NBEAL1: variants seen among roughly 807,000 people sequenced by gnomAD.
NBEAL1 encodes the protein neurobeachin-like protein 1.
NBEAL1 carries 273 observed loss-of-function variants against 351.3 expected under a neutral mutation model. That is an observed-to-expected ratio of 0.78 (90% CI 0.70 to 0.86). The LOEUF (loss-of-function observed/expected upper bound fraction) is 0.86, where lower values mean the gene tolerates loss of function less well. NBEAL1 is among the 40% of genes least tolerant of loss of function. The pLI is 0.00. For missense variants in NBEAL1, 2,961 were observed against 3,201.3 expected (o/e 0.92, Z 1.81); for synonymous variants, 1,050 against 1,086.4 (o/e 0.97, Z 0.66).
chr2:203,033,289 C>T (rs1193308598), intron 2 of NBEAL1, among the ~76,000 whole-genome samples: 3 of 152,184 alleles, frequency 2.0e-5, no homozygotes, highest in Non-Finnish European at 4.4e-5. Flanking sequence ...CGTGAGCCAC[C>T]GCGCCCAGCC....
chr2:203,070,155 C>G (rs2061656994), intron 7 of NBEAL1, among the ~76,000 whole-genome samples: 1 of 150,962 alleles, frequency 6.6e-6, no homozygotes, highest in East Asian at 1.9e-4. Context: ...TTATTTTAAC[C>G]CTAGTTTGCT....
rs557506560 is a variant in NBEAL1 at position 203,039,514 on chromosome 2, A to G, written c.52-2251A>G. Among the ~76,000 whole-genome samples the G allele has an allele frequency of 6.0e-4, 86 of 143,790 alleles. 9 individuals are homozygous for G. Among genetic ancestry groups the G allele is most frequent in the Non-Finnish European group, 1.0e-3 (64 of 63,560 alleles). 94.3% of individuals were successfully genotyped at this position (143,790 alleles called of 152,430 possible). A position where few individuals can be genotyped will look rare whatever the true frequency, so the allele number is the denominator to read the frequency against. On this transcript the variant is annotated intron_variant, in intron 2 of 55. Transcript: ENST00000683969. ...CGCCTCCTGGGTTCAAGCAATTCTC[A>G]TGCCTCAGCCCCCCGACTACAGGCT... is the stretch of plus-strand genomic sequence containing the variant.
rs2065986101 is a variant in NBEAL1, at chr2:203,224,329, A to G, written c.*6975A>G. ...GGTTGGTTCCATTTAGAAACTCTTA[A>G]CAGGTATGGCTTTCATTCCTCCAGT... is the stretch of plus-strand genomic sequence containing the variant. On this transcript the variant is annotated 3_prime_UTR_variant, in exon 56 of 56. Transcript: ENST00000683969. 6.6e-6 allele frequency among the ~76,000 whole-genome samples: 1 copy of G among 152,078 alleles called. No homozygotes were observed. Among genetic ancestry groups the G allele is most frequent in the African/African-American group, 2.4e-5 (1 of 41,444 alleles).
intron 44 of NBEAL1, among the ~76,000 whole-genome samples, chr2:203,186,776 T>A (rs2064908610): frequency 6.6e-6 from 1 of 152,194 alleles, no homozygotes; most frequent in Non-Finnish European, 1.5e-5. Flanking sequence ...ATTTAAAACT[T>A]TATAGGTTTC....
At chr2:203,183,143 G>A (rs2064781600) in intron 43 of NBEAL1, 136 bp from the exon 44 acceptor site, 1 of 471,188 alleles carries the variant, frequency 2.1e-6, no homozygotes, top group East Asian at 3.3e-5. Context: ...TAAATTAACT[G>A]GTATGTACTC....
At chr2:203,076,355 T>C (rs895658534) in intron 7 of NBEAL1, among the ~76,000 whole-genome samples, 1 of 151,604 alleles carries the variant, frequency 6.6e-6, no homozygotes, top group African/African-American at 2.4e-5. Context: ...CATGGTAGCG[T>C]GTGCCTGTAG....
In NBEAL1 at chr2:203,108,037, A is replaced by C; in HGVS notation, c.1798A>C (p.Asn600His). 6.4e-7 allele frequency: 1 copy of C among 1,553,636 alleles called. No homozygotes were observed. Among genetic ancestry groups the C allele is most frequent in the Non-Finnish European group, 8.7e-7 (1 of 1,147,612 alleles). ...TCTAGAGAGTGCCCTCCAGTATTTCAATTTGTCACATAGTATGGCAGGAAT... is the reference window on the plus strand; with the variant it reads ...TCTAGAGAGTGCCCTCCAGTATTTCCATTTGTCACATAGTATGGCAGGAAT... ...LSLESALQYF[N>H]LSHSMAGISV... The change falls in exon 14 of 56, where the codon AAT becomes CAT. Residue 600 changes from asparagine (N) to histidine (H), a missense_variant. Physicochemically the swap from Asn to His is moderately conservative, Grantham distance 68 (BLOSUM62 1). Coordinates refer to ENST00000683969, the MANE Select transcript of NBEAL1 (RefSeq NM_001378026.1).
At chr2:203,053,577 C>T (rs544368347) in intron 4 of NBEAL1, among the ~76,000 whole-genome samples, 16 of 152,126 alleles carry the variant, frequency 1.1e-4, no homozygotes, top group Admixed American at 8.5e-4. Flanking sequence ...GCCTGAGGTG[C>T]GGTGGCATGA....
chr2:203,184,074 T>TAAAA (rs1170251389), intron 44 of NBEAL1, among the ~76,000 whole-genome samples: 2 of 87,998 alleles, frequency 2.3e-5, no homozygotes, highest in African/African-American at 4.7e-5. Context: ...CGAGACTGTC[T>TAAAA]AAAAAAAAAA....
At chr2:203,188,912 A>G (rs1167795608) in intron 45 of NBEAL1, among the ~76,000 whole-genome samples, 1 of 152,216 alleles carries the variant, frequency 6.6e-6, no homozygotes, top group East Asian at 1.9e-4. Flanking sequence ...GTTACAAATA[A>G]CAGATTCTTC....
intron 53 of NBEAL1, among the ~76,000 whole-genome samples, chr2:203,209,713 A>ATGTGTGTGTGTGTGTG (rs56169732): frequency 0.018 from 2,463 of 138,610 alleles, 45 homozygotes; most frequent in South Asian, 0.054. Context: ...TTTAATTAAT[A>ATGTGTGTGTGTGTGTG]TGTGTGTGTG....
chr2:203,105,419 C>G (rs1339653439), intron 12 of NBEAL1, among the ~76,000 whole-genome samples: 1 of 151,498 alleles, frequency 6.6e-6, no homozygotes, highest in African/African-American at 2.4e-5. Flanking sequence ...GAGCTGAGAT[C>G]GCGCCACTGC....
At chr2:203,115,922 AAC>A (rs904315538) in intron 17 of NBEAL1, 61 bp from the exon 18 acceptor site, 53 of 1,086,784 alleles carry the variant, frequency 4.9e-5, no homozygotes, top group African/African-American at 6.3e-5. Context: ...TTATTCTGAT[AAC>A]ACAGAACCAA....
At chr2:203,040,374 T>C (rs573844505) in intron 2 of NBEAL1, 2 of 715,736 alleles carry the variant, frequency 2.8e-6, no homozygotes, top group Non-Finnish European at 5.0e-6. Context: ...CCATGGCCTT[T>C]GTTGTACACA....
chr2:203,048,380 CAA>C (rs56116456), intron 3 of NBEAL1, among the ~76,000 whole-genome samples: 55,517 of 117,366 alleles, frequency 0.47, 13,030 homozygotes, highest in Middle Eastern at 0.66. Context: ...GACTCCATCT[CAA>C]AAAAAAAAAA....
chr2:203,121,033 C>T (rs1299137364), intron 18 of NBEAL1, among the ~76,000 whole-genome samples: 1 of 152,060 alleles, frequency 6.6e-6, no homozygotes, highest in East Asian at 1.9e-4. Context: ...CCTGAAAATT[C>T]GGATTGAATA....
intron 8 of NBEAL1, among the ~76,000 whole-genome samples, chr2:203,078,365 G>A (rs1280599304): frequency 6.6e-6 from 1 of 151,766 alleles, no homozygotes; most frequent in East Asian, 1.9e-4. Context: ...TTTGAAATGG[G>A]GTCTTGCTGT....
chr2:203,144,067 C>G (rs541945117), intron 31 of NBEAL1, among the ~76,000 whole-genome samples: 2 of 151,808 alleles, frequency 1.3e-5, no homozygotes, highest in East Asian at 3.9e-4. Context: ...AAAAATTAGC[C>G]GGACATGGTG....
intron 12 of NBEAL1, among the ~76,000 whole-genome samples, chr2:203,100,372 A>G (rs956094111): frequency 1.3e-5 from 2 of 152,178 alleles, no homozygotes; most frequent in Non-Finnish European, 2.9e-5. Flanking sequence ...CCAGCAGTGT[A>G]TAAGTGTTTC....
Sources: allele counts gnomAD v4.1 joint callset (sites outside exome capture counted in the v4.1 genomes callset), GRCh38; gene constraint gnomAD v4.1.1; transcripts MANE v1.5; gene names NCBI Gene and HGNC (gene_info 2026-07-23, HGNC 2026-07-21).